The following DIP2C variants were observed in gnomAD, a reference collection of about 807,000 sequenced individuals.
DIP2C encodes disco-interacting protein 2 homolog C.
A neutral mutation model predicts 192.4 loss-of-function variants in DIP2C; 33 were observed. That is an observed-to-expected ratio of 0.17 (90% confidence interval 0.13 to 0.23). The LOEUF is 0.23. Ranked by LOEUF, DIP2C falls within the 10% of genes least tolerant of loss-of-function variation. The probability of loss-of-function intolerance (pLI) is 1.00; values close to 1 mark genes in which losing one functional copy is unlikely to be tolerated. For missense variants in DIP2C, 1,537 were observed against 2,110.1 expected (o/e 0.73, Z 5.32); for synonymous variants, 979 against 864.1 (o/e 1.13, Z -2.33).
chr10:470,282 T>TC (rs1970525724), intron 3 of DIP2C, among the ~76,000 whole-genome samples: 1 of 152,168 alleles, frequency 6.6e-6, no homozygotes, highest in Non-Finnish European at 1.5e-5. Flanking sequence ...AGGCGCCATA[T>TC]TTCACAATTT....
At chr10:294,209 C>T (rs1245511674) in intron 32 of DIP2C, among the ~76,000 whole-genome samples, 2 of 152,164 alleles carry the variant, frequency 1.3e-5, no homozygotes, top group Non-Finnish European at 2.9e-5. Context: ...TGCCCTCTTC[C>T]ATCTTCTTCC....
intron 1 of DIP2C, among the ~76,000 whole-genome samples, chr10:602,771 C>T (rs912884516): frequency 1.3e-5 from 2 of 152,322 alleles, no homozygotes; most frequent in East Asian, 3.9e-4. Flanking sequence ...AGAATGGAAA[C>T]GGGGTTCACA....
At chr10:582,202 G>T (rs369441926) in intron 1 of DIP2C, among the ~76,000 whole-genome samples, 1 of 152,286 alleles carries the variant, frequency 6.6e-6, no homozygotes, top group South Asian at 2.1e-4. Flanking sequence ...GCACCAGTCT[G>T]CAGCCCAGGG....
chr10:531,282 G>A (rs1486735757), intron 1 of DIP2C, among the ~76,000 whole-genome samples: 3 of 151,876 alleles, frequency 2.0e-5, no homozygotes, highest in Admixed American at 6.6e-5. Flanking sequence ...CCCTGTAAAC[G>A]TTCAGACATT....
At chr10:453,762 C>A (rs888724378) in intron 3 of DIP2C, among the ~76,000 whole-genome samples, 7 of 152,192 alleles carry the variant, frequency 4.6e-5, no homozygotes, top group African/African-American at 1.7e-4. Flanking sequence ...GCTGTCAGGG[C>A]AAACACAGCA....
intron 32 of DIP2C, among the ~76,000 whole-genome samples, chr10:298,531 T>C (rs1326976033): frequency 6.6e-6 from 1 of 152,170 alleles, no homozygotes; most frequent in Non-Finnish European, 1.5e-5. Context: ...TCTTCTTGGC[T>C]TTTGAGATGC....
At chr10:549,272 C>G (rs770580899) in intron 1 of DIP2C, among the ~76,000 whole-genome samples, 1 of 152,138 alleles carries the variant, frequency 6.6e-6, no homozygotes, top group Non-Finnish European at 1.5e-5. Context: ...GCCTCCAACA[C>G]CCAGGAAATT....
intron 4 of DIP2C, among the ~76,000 whole-genome samples, chr10:436,778 C>G (rs752642904): frequency 3.2e-4 from 39 of 122,496 alleles, no homozygotes; most frequent in Non-Finnish European, 5.4e-4. Flanking sequence ...CCGCCCACAC[C>G]TGAGCTCTCT....
intron 32 of DIP2C, among the ~76,000 whole-genome samples, chr10:298,744 C>G (rs542303687): frequency 6.6e-6 from 1 of 152,340 alleles, no homozygotes; most frequent in South Asian, 2.1e-4. Context: ...AGCAAGGTGA[C>G]AAGGGGACTC....
At chr10:585,918 T>C (rs1850995710) in intron 1 of DIP2C, among the ~76,000 whole-genome samples, 1 of 152,202 alleles carries the variant, frequency 6.6e-6, no homozygotes, top group South Asian at 2.1e-4. Flanking sequence ...GGGTTATTCC[T>C]TTGTTTTGCA....
intron 14 of DIP2C, 62 bp from the exon 15 acceptor site, chr10:384,701 A>C (rs552082404): frequency 6.4e-7 from 1 of 1,552,240 alleles, no homozygotes; most frequent in African/African-American, 1.4e-5. Flanking sequence ...AGCAGCTCTC[A>C]CCCAGTGGCA....
chr10:656,498 T>A (rs1856343746), intron 1 of DIP2C, among the ~76,000 whole-genome samples: 1 of 152,230 alleles, frequency 6.6e-6, no homozygotes. Context: ...GGTATTCAAA[T>A]GTGATGTTTT....
chr10:645,188 G>A (rs370801357), intron 1 of DIP2C, among the ~76,000 whole-genome samples: 3 of 152,316 alleles, frequency 2.0e-5, no homozygotes, highest in East Asian at 3.9e-4. Flanking sequence ...CATGGCATCC[G>A]TGGGGTCTTG....
At chr10:352,028 G>C (rs1416460713) in intron 24 of DIP2C, among the ~76,000 whole-genome samples, 1 of 152,300 alleles carries the variant, frequency 6.6e-6, no homozygotes, top group Middle Eastern at 3.4e-3. Context: ...CCCCCGCCCC[G>C]CTGAGGGAGG....
chr10:648,331 C>A (rs750893158), intron 1 of DIP2C, among the ~76,000 whole-genome samples: 13 of 151,786 alleles, frequency 8.6e-5, no homozygotes, highest in Non-Finnish European at 2.9e-5. Context: ...GAGTCCACGT[C>A]CACATTGGAT....
intron 7 of DIP2C, among the ~76,000 whole-genome samples, chr10:414,723 G>GTATATATATATA: frequency 1.4e-5 from 1 of 69,454 alleles, no homozygotes; most frequent in Non-Finnish European, 2.7e-5. Context: ...GTGTGTGTGT[G>GTATATATATATA]TGTGTGTGTG....
intron 2 of DIP2C, among the ~76,000 whole-genome samples, chr10:484,337 A>G (rs901430774): frequency 6.6e-6 from 1 of 152,030 alleles, no homozygotes; most frequent in Non-Finnish European, 1.5e-5. Flanking sequence ...TATTTCAAAA[A>G]CCCTTACTTT....
intron 1 of DIP2C, among the ~76,000 whole-genome samples, chr10:553,332 G>A (rs996848087): frequency 2.0e-5 from 3 of 152,176 alleles, no homozygotes; most frequent in Non-Finnish European, 2.9e-5. Context: ...TGTGGCGCCT[G>A]GTCACTCAAG....
At chr10:279,064 C>T (rs535526238) in intron 36 of DIP2C, among the ~76,000 whole-genome samples, 1 of 152,116 alleles carries the variant, frequency 6.6e-6, no homozygotes, top group African/African-American at 2.4e-5. Context: ...GTATGGCCAA[C>T]CTATGTTAAA....
Sources: allele counts gnomAD v4.1 joint callset (sites outside exome capture counted in the v4.1 genomes callset), GRCh38; gene constraint gnomAD v4.1.1; transcripts MANE v1.5; gene names NCBI Gene and HGNC (gene_info 2026-07-23, HGNC 2026-07-21).